Variants in ADAMTS12 observed in about 807,000 individuals in gnomAD.
The protein encoded by ADAMTS12 is A disintegrin and metalloproteinase with thrombospondin motifs 12.
A neutral mutation model predicts 167.8 loss-of-function variants in ADAMTS12; 118 were observed. The ratio of observed to expected loss-of-function variants is 0.70; its 90% CI spans 0.61 to 0.82. The LOEUF is 0.82. Ranked by LOEUF, ADAMTS12 falls within the 40% of genes least tolerant of loss-of-function variation. The probability of loss-of-function intolerance (pLI) is 0.00; values close to 1 mark genes in which losing one functional copy is unlikely to be tolerated. For missense variants in ADAMTS12, 1,916 were observed against 1,998.8 expected (o/e 0.96, Z 0.79); for synonymous variants, 704 against 716.9 (o/e 0.98, Z 0.29).
At chr5:33,594,475 G>A (rs143654981) in intron 17 of ADAMTS12, among the ~76,000 whole-genome samples, 50 of 152,290 alleles carry the variant, frequency 3.3e-4, no homozygotes, top group African/African-American at 1.2e-3. Context: ...ATTCTCAGCA[G>A]TCAAAAATCT....
At chr5:33,873,533 T>C (rs1443995226) in intron 2 of ADAMTS12, among the ~76,000 whole-genome samples, 1 of 152,198 alleles carries the variant, frequency 6.6e-6, no homozygotes, top group African/African-American at 2.4e-5. Flanking sequence ...ACCAAAATCT[T>C]AGCAATTTAC....
At chr5:33,638,052 T>A (rs934831529) in intron 11 of ADAMTS12, among the ~76,000 whole-genome samples, 1 of 152,186 alleles carries the variant, frequency 6.6e-6, no homozygotes, top group South Asian at 2.1e-4. Flanking sequence ...CTGATTCCTA[T>A]TTGGTGAGTT....
chr5:33,662,942 G>A (rs991963322), intron 5 of ADAMTS12, among the ~76,000 whole-genome samples: 1 of 152,182 alleles, frequency 6.6e-6, no homozygotes, highest in African/African-American at 2.4e-5. Context: ...CTTGCTCTGG[G>A]CTCAGTCCAA....
intron 2 of ADAMTS12, among the ~76,000 whole-genome samples, chr5:33,827,708 AAAAT>A (rs1344827788): frequency 1.6e-5 from 2 of 125,810 alleles, no homozygotes; most frequent in Middle Eastern, 3.8e-3. Flanking sequence ...TGGAGAAAAC[AAAAT>A]AGATAGATAG....
intron 20 of ADAMTS12, among the ~76,000 whole-genome samples, chr5:33,556,568 TCCA>T (rs1745496845): frequency 6.6e-6 from 1 of 152,196 alleles, no homozygotes; most frequent in South Asian, 2.1e-4. Context: ...GGTGTGTAAC[TCCA>T]CTTGTTATCA....
chr5:33,754,132 C>G (rs1745088654), intron 2 of ADAMTS12, among the ~76,000 whole-genome samples: 1 of 152,142 alleles, frequency 6.6e-6, no homozygotes, highest in Non-Finnish European at 1.5e-5. Context: ...TCTCATCTAA[C>G]TGGAGCCAGG....
At chr5:33,736,083 A>G (rs1457292927) in intron 3 of ADAMTS12, among the ~76,000 whole-genome samples, 1 of 149,114 alleles carries the variant, frequency 6.7e-6, no homozygotes, top group Non-Finnish European at 1.5e-5. Flanking sequence ...TTTTTTTGAC[A>G]CAGAGTCTCA....
chr5:33,723,249 T>C (rs75621204), intron 3 of ADAMTS12, among the ~76,000 whole-genome samples: 3,000 of 152,304 alleles, frequency 0.02, 98 homozygotes, highest in African/African-American at 0.069. Flanking sequence ...ACTCCATTTT[T>C]CCTTATATTT....
chr5:33,670,391 T>C (rs1371740638), intron 5 of ADAMTS12, among the ~76,000 whole-genome samples: 1 of 152,074 alleles, frequency 6.6e-6, no homozygotes, highest in Non-Finnish European at 1.5e-5. Flanking sequence ...TCACTGCTGG[T>C]GAGAGTGGAA....
In ADAMTS12 at chr5:33,593,848, T is replaced by A. The variant is rs369773818; in HGVS notation, c.2654+2086A>T. On this transcript the variant is annotated intron_variant, in intron 17 of 23. Transcript: ENST00000504830. The stretch of plus-strand genomic sequence containing the variant: ...GTATCCCAGAACTTAAAGTAAAATT[T>A]AAAAAAAGAAGTGCTAGTTTTCTCT... Among the ~76,000 whole-genome samples, 51 of 152,214 alleles carry A rather than the reference T, an allele frequency of 3.4e-4. No homozygotes were observed. In the East Asian group the frequency reaches 4.8e-3, roughly 14 times the overall value.
intron 3 of ADAMTS12, among the ~76,000 whole-genome samples, chr5:33,732,815 CAG>C (rs1744238818): frequency 6.6e-6 from 1 of 151,926 alleles, no homozygotes; most frequent in Admixed American, 6.6e-5. Flanking sequence ...AATAATCACA[CAG>C]AGTTTTATAA....
intron 2 of ADAMTS12, among the ~76,000 whole-genome samples, chr5:33,851,996 T>A (rs1230722173): frequency 6.6e-6 from 1 of 152,238 alleles, no homozygotes; most frequent in Admixed American, 6.5e-5. Context: ...TCTTTCCTTA[T>A]CAAGCTCTGT....
chr5:33,605,650 A>G (rs113334547), intron 16 of ADAMTS12, among the ~76,000 whole-genome samples: 6,164 of 152,338 alleles, frequency 0.04, 178 homozygotes, highest in Non-Finnish European at 0.064. Context: ...AGCATTTAAG[A>G]TGTATACAGA....
At chr5:33,662,370 T>C (rs1235134765) in intron 5 of ADAMTS12, among the ~76,000 whole-genome samples, 1 of 152,242 alleles carries the variant, frequency 6.6e-6, no homozygotes, top group Non-Finnish European at 1.5e-5. Flanking sequence ...TGTGTCTCTC[T>C]GCATCCTAAA....
intron 2 of ADAMTS12, among the ~76,000 whole-genome samples, chr5:33,831,009 A>T (rs552774418): frequency 5.9e-4 from 89 of 152,126 alleles, no homozygotes; most frequent in Non-Finnish European, 9.3e-4. Flanking sequence ...TTTCAAAATG[A>T]TCTCCTTCAT....
At chr5:33,672,283 C>T (rs1348374169) in intron 5 of ADAMTS12, among the ~76,000 whole-genome samples, 2 of 148,534 alleles carry the variant, frequency 1.3e-5, no homozygotes, top group African/African-American at 5.0e-5. Context: ...CCCCCACATA[C>T]ATACACACAC....
At chr5:33,620,391 A>G (rs1739256592) in intron 14 of ADAMTS12, among the ~76,000 whole-genome samples, 1 of 152,260 alleles carries the variant, frequency 6.6e-6, no homozygotes, top group Non-Finnish European at 1.5e-5. Context: ...GCAGGAGATC[A>G]CTTTTTACTG....
intron 18 of ADAMTS12, among the ~76,000 whole-genome samples, chr5:33,580,126 G>A (rs1040762558): frequency 6.6e-6 from 1 of 152,238 alleles, no homozygotes; most frequent in Non-Finnish European, 1.5e-5. Flanking sequence ...TACTGATGGT[G>A]TGAATTTGCT....
chr5:33,585,642 G>C (rs139562336), intron 18 of ADAMTS12, among the ~76,000 whole-genome samples: 5 of 152,302 alleles, frequency 3.3e-5, no homozygotes, highest in African/African-American at 1.2e-4. Flanking sequence ...TTGATACCTG[G>C]TCTCTGTTTA....
Sources: gnomAD v4.1 joint callset for allele counts (sites outside exome capture counted in the v4.1 genomes callset) on GRCh38, gnomAD v4.1.1 for gene constraint, MANE v1.5 for transcripts, NCBI Gene and HGNC (gene_info 2026-07-23, HGNC 2026-07-21) for gene names.